RBFOX1: variants seen among roughly 807,000 people sequenced by gnomAD.
RBFOX1 encodes the protein RNA binding protein fox-1 homolog 1.
A neutral mutation model predicts 57.7 loss-of-function variants in RBFOX1; 8 were observed. The observed-to-expected ratio is 0.14, with a 90% CI of 0.08 to 0.25. The LOEUF (loss-of-function observed/expected upper bound fraction) is 0.25. Ranked by LOEUF, RBFOX1 falls within the 10% of genes least tolerant of loss-of-function variation. The pLI is 1.00. For missense variants in RBFOX1, 611 were observed against 548.5 expected, an observed-to-expected ratio of 1.11 and a Z score of -1.14; for synonymous variants, 326 against 222.4, an observed-to-expected ratio of 1.47 and a Z score of -4.15.
At chr16:7,222,838 T>A (rs559978698) in intron 4 of RBFOX1, among the ~76,000 whole-genome samples, 52 of 152,346 alleles carry the variant, frequency 3.4e-4, no homozygotes, top group African/African-American at 1.2e-3. Context: ...ACTGCAGTGT[T>A]CCATTTACAG....
At chr16:6,613,996 A>T (rs2098108709) in intron 2 of RBFOX1, among the ~76,000 whole-genome samples, 1 of 152,224 alleles carries the variant, frequency 6.6e-6, no homozygotes, top group Non-Finnish European at 1.5e-5. Flanking sequence ...TGGAAGCTTT[A>T]TACAGCAATT....
chr16:5,673,531 G>C (rs2050078279), intron 3 of RBFOX1, among the ~76,000 whole-genome samples: 1 of 152,170 alleles, frequency 6.6e-6, no homozygotes, highest in African/African-American at 2.4e-5. Context: ...GCACCTAAAG[G>C]TTGACGTCAG....
chr16:5,841,410 A>G (rs1338289639), intron 3 of RBFOX1, among the ~76,000 whole-genome samples: 2 of 152,110 alleles, frequency 1.3e-5, no homozygotes, highest in African/African-American at 2.4e-5. Context: ...TCCTCTCTCC[A>G]TAGTATCTTC....
chr16:7,443,527 A>G (rs749864178), intron 4 of RBFOX1, among the ~76,000 whole-genome samples: 23 of 151,882 alleles, frequency 1.5e-4, no homozygotes, highest in Admixed American at 1.3e-4. Context: ...TATGAACCCA[A>G]CAACCTTGTT....
At position 6,927,829 on chromosome 16, in the gene RBFOX1, G is replaced by A. The variant is rs565892605; in HGVS notation, c.-15-124228G>A. ...AAGAGCCAGAAGCCTAACACTGAAG[G>A]AAATAGAAAATGTGGATCTCACAAC... On this transcript the variant is annotated intron_variant, in intron 3 of 15. Coordinates refer to ENST00000550418, the MANE Select transcript of RBFOX1 (RefSeq NM_018723.4). Among the ~76,000 whole-genome samples the A allele has an allele frequency of 2.6e-4, 40 of 152,258 alleles. 2 individuals carry two copies. In the South Asian group the frequency reaches 8.3e-3, roughly 32 times the overall value.
intron 1 of RBFOX1, among the ~76,000 whole-genome samples, chr16:5,262,107 A>G (rs964350327): frequency 2.0e-5 from 3 of 152,216 alleles, no homozygotes; most frequent in African/African-American, 7.2e-5. Context: ...AACTAATTCT[A>G]TTAATATTTG....
intron 4 of RBFOX1, among the ~76,000 whole-genome samples, chr16:7,274,183 A>G (rs956202741): frequency 1.3e-5 from 2 of 152,234 alleles, no homozygotes; most frequent in African/African-American, 4.8e-5. Flanking sequence ...AATGGCAGTC[A>G]CAGCATCAAC....
At position 6,826,540 on chromosome 16, in the gene RBFOX1, C is replaced by A. The variant is rs7197330; in HGVS notation, c.-16+171890C>A. 8.1e-4 allele frequency among the ~76,000 whole-genome samples: 123 copies of A among 152,120 alleles called. 1 individual carries two copies. In the East Asian group the frequency reaches 0.018, roughly 23 times the overall value. On this transcript the variant is annotated intron_variant, in intron 3 of 15. Coordinates refer to ENST00000550418, the MANE Select transcript of RBFOX1 (RefSeq NM_018723.4). ...TAAGTGGCAGTGTGGGCACAGTCTT[C>A]CGGGCATACGTGCTTGCGGGCATGC...
In RBFOX1 at chr16:5,283,376, C is replaced by G. The variant is rs143831899; in HGVS notation, c.219+43271C>G. ...GAAGAGGGCCACCATCCTCCAGACC[C>G]CAGAATGGTGGATTCACTGACAGCT... On this transcript the variant is annotated intron_variant, in intron 1 of 2. Coordinates refer to the RBFOX1 transcript ENST00000585867. Among the ~76,000 whole-genome samples the G allele has an allele frequency of 1.6e-3, 240 of 152,236 alleles. 1 individual carries two copies. The highest frequency in any genetic ancestry group is 5.6e-3 in the African/African-American group (234 of 41,546).
At chr16:6,426,756 A>C (rs2093940862) in intron 2 of RBFOX1, among the ~76,000 whole-genome samples, 1 of 152,356 alleles carries the variant, frequency 6.6e-6, no homozygotes, top group Admixed American at 6.5e-5. Flanking sequence ...AAAGTGTCTC[A>C]TCATCCAGAG....
At chr16:7,516,431 A>G (rs561394892) in intron 4 of RBFOX1, among the ~76,000 whole-genome samples, 2 of 152,304 alleles carry the variant, frequency 1.3e-5, no homozygotes, top group Admixed American at 6.5e-5. Flanking sequence ...TACAGGCTGA[A>G]AGTGGGACTG....
intron 3 of RBFOX1, among the ~76,000 whole-genome samples, chr16:6,931,309 C>CTA (rs1290456176): frequency 1.6e-5 from 2 of 127,192 alleles, no homozygotes; most frequent in Non-Finnish European, 3.2e-5. Flanking sequence ...ATCTATCTAT[C>CTA]TATCTATCTA....
At chr16:6,072,263 C>T (rs1029646905) in intron 1 of RBFOX1, among the ~76,000 whole-genome samples, 3 of 152,118 alleles carry the variant, frequency 2.0e-5, no homozygotes, top group Non-Finnish European at 4.4e-5. Flanking sequence ...CCACTGCGTC[C>T]CTCCCAATAC....
chr16:6,470,498 T>C lies in RBFOX1; in HGVS notation c.-64+153441T>C, dbSNP rs890803255. On this transcript the variant is annotated intron_variant, in intron 2 of 15. Coordinates refer to ENST00000550418, the MANE Select transcript of RBFOX1 (RefSeq NM_018723.4). ...GACATGAATAGTGCAAATATGTCAG[T>C]CTTTCTATTCTTCCAAGATGACCTT... Among the ~76,000 whole-genome samples, 75 of 152,184 alleles carry C rather than the reference T, an allele frequency of 4.9e-4. 3 individuals are homozygous for C. Among genetic ancestry groups the C allele is most frequent in the Non-Finnish European group, 1.0e-4 (7 of 68,030 alleles).
chr16:7,235,671 A>T (rs780534770), intron 4 of RBFOX1, among the ~76,000 whole-genome samples: 1 of 152,234 alleles, frequency 6.6e-6, no homozygotes, highest in Non-Finnish European at 1.5e-5. Flanking sequence ...CTGCCATGAC[A>T]TCAAGAATAT....
At chr16:5,955,196 T>A (rs1432294671) in intron 4 of RBFOX1, among the ~76,000 whole-genome samples, 1 of 103,352 alleles carries the variant, frequency 9.7e-6, no homozygotes. Flanking sequence ...GCACAGGAAT[T>A]GCTTGAACCA....
intron 3 of RBFOX1, among the ~76,000 whole-genome samples, chr16:6,897,810 C>G (rs910465038): frequency 6.6e-6 from 1 of 152,042 alleles, no homozygotes; most frequent in Non-Finnish European, 1.5e-5. Flanking sequence ...TAAAAAAAGG[C>G]TAAGTCCTTA....
chr16:6,665,760 C>A (rs191846439), intron 3 of RBFOX1, among the ~76,000 whole-genome samples: 1 of 149,770 alleles, frequency 6.7e-6, no homozygotes, highest in African/African-American at 2.5e-5. Flanking sequence ...TGCCATAGAC[C>A]ATTTTTTAGT....
At chr16:5,964,644 CACAT>C (rs1567197842) in intron 4 of RBFOX1, among the ~76,000 whole-genome samples, 1 of 151,908 alleles carries the variant, frequency 6.6e-6, no homozygotes, top group Admixed American at 6.6e-5. Flanking sequence ...CATATACACA[CACAT>C]ATATACATAC....
Sources: gnomAD v4.1 joint callset for allele counts (sites outside exome capture counted in the v4.1 genomes callset) on GRCh38, gnomAD v4.1.1 for gene constraint, MANE v1.5 for transcripts, NCBI Gene and HGNC (gene_info 2026-07-23, HGNC 2026-07-21) for gene names.